Variants in GNG2 observed in about 807,000 individuals in gnomAD.
GNG2 encodes guanine nucleotide-binding protein G(I)/G(S)/G(O) subunit gamma-2.
GNG2 carries 5 observed loss-of-function variants against 5.5 expected under a neutral mutation model. The ratio of observed to expected loss-of-function variants is 0.91; its 90% CI spans 0.48 to 1.92. The LOEUF (loss-of-function observed/expected upper bound fraction) is 1.92. Among genes scored for constraint, GNG2 ranks in the 30% most tolerant of loss-of-function variants. GNG2 has a pLI of 0.01. For missense variants in GNG2, 55 were observed against 88.4 expected, an observed-to-expected ratio of 0.62 and a Z score of 1.52; for synonymous variants, 28 against 32.0, an observed-to-expected ratio of 0.88 and a Z score of 0.42.
intron 2 of GNG2, among the ~76,000 whole-genome samples, chr14:51,829,079 G>T (rs1255739958): frequency 1.3e-5 from 2 of 152,184 alleles, no homozygotes; most frequent in African/African-American, 4.8e-5. Flanking sequence ...GCACTGATAG[G>T]TAGAACAGAC....
intron 2 of GNG2, among the ~76,000 whole-genome samples, chr14:51,923,050 C>T (rs1175936227): frequency 6.6e-6 from 1 of 152,178 alleles, no homozygotes; most frequent in Non-Finnish European, 1.5e-5. Context: ...TGGTTTCCCA[C>T]GTACAGGGTG....
At chr14:51,954,638 A>G (rs1267383740) in intron 3 of GNG2, among the ~76,000 whole-genome samples, 1 of 152,166 alleles carries the variant, frequency 6.6e-6, no homozygotes, top group Admixed American at 6.6e-5. Flanking sequence ...TAGGCAGTGG[A>G]AGTGAGAACT....
intron 2 of GNG2, among the ~76,000 whole-genome samples, chr14:51,907,546 C>T (rs1449453070): frequency 1.3e-5 from 2 of 152,172 alleles, no homozygotes; most frequent in African/African-American, 4.8e-5. Flanking sequence ...AGCAAGGAAA[C>T]AATGGACAGC....
chr14:51,966,486 T>G, intron 3 of GNG2, 73 bp from the exon 4 acceptor site: 2 of 1,304,064 alleles, frequency 1.5e-6, no homozygotes, highest in Non-Finnish European at 2.2e-6. Flanking sequence ...GCCAGGACAT[T>G]GGGCTCTAAA....
Position 51,837,190 on chromosome 14 carries a change from T to G in GNG2, c.64+9383T>G, listed in dbSNP as rs183847897. Among the ~76,000 whole-genome samples the G allele has an allele frequency of 2.9e-3, 445 of 152,100 alleles. 1 individual carries two copies. Among genetic ancestry groups the G allele is most frequent in the African/African-American group, 9.8e-3 (408 of 41,488 alleles). On this transcript the variant is annotated intron_variant, in intron 2 of 3. Coordinates refer to the GNG2 transcript ENST00000553432. Reference sequence around the variant, plus strand: ...CAACTTAACGTTGATGAAATAAAAATAAACTGGAAAATCAGTTATGAAAGA... The same window carrying G: ...CAACTTAACGTTGATGAAATAAAAAGAAACTGGAAAATCAGTTATGAAAGA...
chr14:51,832,148 C>T (rs566465338), intron 2 of GNG2, among the ~76,000 whole-genome samples: 32 of 151,876 alleles, frequency 2.1e-4, no homozygotes, highest in Middle Eastern at 3.4e-3. Context: ...GGCATGGTGG[C>T]ACACACATAT....
At chr14:51,860,941 A>G (rs2000005) in intron 1 of GNG2, among the ~76,000 whole-genome samples, 151 bp downstream of exon 1, 133,607 of 152,214 alleles carry the variant, frequency 0.88, 58,846 homozygotes, top group East Asian at 1. Context: ...CTTTGAGAAT[A>G]ACCACATTTA....
At chr14:51,924,474 G>A (rs1389291552) in intron 2 of GNG2, among the ~76,000 whole-genome samples, 1 of 152,184 alleles carries the variant, frequency 6.6e-6, no homozygotes, top group Non-Finnish European at 1.5e-5. Context: ...GGGCCAATAT[G>A]TGTTACCTCA....
intron 2 of GNG2, among the ~76,000 whole-genome samples, chr14:51,908,790 G>C (rs1176556143): frequency 7.4e-6 from 1 of 135,822 alleles, no homozygotes; most frequent in Non-Finnish European, 1.5e-5. Flanking sequence ...ATGTTGGCCA[G>C]GCTGGCCTCG....
At chr14:51,953,337 T>C (rs547137899) in intron 3 of GNG2, among the ~76,000 whole-genome samples, 2 of 152,222 alleles carry the variant, frequency 1.3e-5, no homozygotes, top group African/African-American at 4.8e-5. Flanking sequence ...CTCTCAAAAA[T>C]CCCTGACCTA....
At chr14:51,907,712 G>C (rs756917177) in intron 2 of GNG2, among the ~76,000 whole-genome samples, 15 of 152,166 alleles carry the variant, frequency 9.9e-5, no homozygotes, top group Non-Finnish European at 2.1e-4. Context: ...TTGAAGGTTT[G>C]ATAACCAAAT....
chr14:51,942,571 C>CTCTT (rs1555356824), intron 2 of GNG2, among the ~76,000 whole-genome samples: 5 of 55,682 alleles, frequency 9.0e-5, no homozygotes, highest in East Asian at 4.0e-4. Flanking sequence ...TTTATTTTTT[C>CTCTT]TCTTTCTTTC....
chr14:51,963,824 A>G (rs1383302326), intron 3 of GNG2, among the ~76,000 whole-genome samples: 1 of 152,230 alleles, frequency 6.6e-6, no homozygotes, highest in Non-Finnish European at 1.5e-5. Context: ...GTGAAGATCA[A>G]AAGAGGAAAT....
chr14:51,943,378 T>TA (rs1888459033), intron 2 of GNG2, among the ~76,000 whole-genome samples: 1 of 152,148 alleles, frequency 6.6e-6, no homozygotes, highest in South Asian at 2.1e-4. Flanking sequence ...TATTCTCTCT[T>TA]AAAAAAACTT....
At position 51,899,636 on chromosome 14, in the gene GNG2, C is replaced by A. The variant is rs60720649; in HGVS notation, c.-30+21979C>A. ...TCAAAAAATTTTTAAAAATTTAAAA[C>A]CTGACACTCTGTTTTAAATAAACAA... is the stretch of plus-strand genomic sequence containing the variant. On this transcript the variant is annotated intron_variant, in intron 2 of 3. Transcript: ENST00000556766. Among the ~76,000 whole-genome samples, 1,081 of 152,278 alleles carry A rather than the reference C, an allele frequency of 7.1e-3. 14 individuals carry two copies. The highest frequency in any genetic ancestry group is 0.024 in the African/African-American group (998 of 41,538).
chr14:51,832,246 ACT>A (rs890369936), intron 2 of GNG2, among the ~76,000 whole-genome samples: 1 of 151,662 alleles, frequency 6.6e-6, no homozygotes, highest in African/African-American at 2.4e-5. Flanking sequence ...TGCCACTGAC[ACT>A]CCAGCCTAGC....
At chr14:51,956,827 A>G (rs1293788359) in intron 3 of GNG2, among the ~76,000 whole-genome samples, 1 of 152,170 alleles carries the variant, frequency 6.6e-6, no homozygotes, top group Non-Finnish European at 1.5e-5. Context: ...TTTCAGATGT[A>G]ATGAAGATGG....
chr14:51,902,146 ATCTT>A (rs1185631629), intron 2 of GNG2, among the ~76,000 whole-genome samples: 1 of 152,114 alleles, frequency 6.6e-6, no homozygotes, highest in Admixed American at 6.5e-5. Context: ...TTGATATTTT[ATCTT>A]TCTAATTATT....
rs571050428 is a variant in GNG2, at chr14:51,936,875, T to G, written c.-29-13775T>G. On this transcript the variant is annotated intron_variant, in intron 2 of 3. Transcript: ENST00000556766. ...TTAATGTATATAAATTATATCTTGA[T>G]AAAACTGACTTTAAAAAATAATATC... is the stretch of plus-strand genomic sequence containing the variant. 2.0e-5 allele frequency among the ~76,000 whole-genome samples: 3 copies of G among 152,338 alleles called. 1 individual carries two copies. Among genetic ancestry groups the G allele is most frequent in the Admixed American group, 2.0e-4 (3 of 15,306 alleles).
Sources: gnomAD v4.1 joint callset for allele counts (sites outside exome capture counted in the v4.1 genomes callset) on GRCh38, gnomAD v4.1.1 for gene constraint, MANE v1.5 for transcripts, NCBI Gene and HGNC (gene_info 2026-07-23, HGNC 2026-07-21) for gene names.